PHKA2: variants seen among roughly 807,000 people sequenced by gnomAD.
The protein encoded by PHKA2 is phosphorylase b kinase regulatory subunit alpha, liver isoform.
Under a neutral mutation model 102.0 loss-of-function variants are expected in PHKA2, and 31 were observed. That is an observed-to-expected ratio of 0.30 (90% CI 0.23 to 0.41). The LOEUF is 0.41. Ranked by LOEUF, PHKA2 falls within the 10% of genes least tolerant of loss-of-function variation. The pLI, the probability that PHKA2 is intolerant of heterozygous loss-of-function variation, is 1.00. For synonymous variants in PHKA2, 455 were observed against 416.2 expected, an observed-to-expected ratio of 1.09 and a Z score of -1.13; for missense variants, 858 against 1,023.1, an observed-to-expected ratio of 0.84 and a Z score of 2.20.
chrX:18,966,339 G>T (rs764564376), intron 1 of PHKA2, among the ~76,000 whole-genome samples: 2 of 109,496 alleles, frequency 1.8e-5, no homozygotes, highest in Non-Finnish European at 3.8e-5. Flanking sequence ...TGATCCCCCC[G>T]CCTTGGCCTC....
chrX:18,933,078 C>T (rs2091036000), intron 11 of PHKA2, among the ~76,000 whole-genome samples: 5 of 108,944 alleles, frequency 4.6e-5, no homozygotes, highest in Admixed American at 3.9e-4. Context: ...TGTGCCAATG[C>T]ACTCCAGCCT....
chrX:18,924,863 G>A (rs1485484870), intron 15 of PHKA2, among the ~76,000 whole-genome samples: 2 of 112,186 alleles, frequency 1.8e-5, no homozygotes, highest in African/African-American at 6.5e-5. Context: ...CTATGGGTTC[G>A]AAGATGCTTT....
chrX:18,913,715 C>T lies in PHKA2; in HGVS notation c.2138-2755G>A, dbSNP rs182707431. On this transcript the variant is annotated intron_variant, in intron 19 of 32. Coordinates refer to ENST00000379942, the MANE Select transcript of PHKA2 (RefSeq NM_000292.3). ...CCGGCCCACAAAAATATTTTCTTTA[C>T]GTCCTTATTCTATAAGCTTTGATCT... Among the ~76,000 whole-genome samples the T allele has an allele frequency of 5.1e-3, 568 of 112,323 alleles. 3 individuals carry two copies. Among genetic ancestry groups the T allele is most frequent in the African/African-American group, 0.017 (531 of 30,922 alleles).
intron 1 of PHKA2, among the ~76,000 whole-genome samples, chrX:18,965,592 T>G (rs1412541017): frequency 1.8e-5 from 2 of 110,350 alleles, no homozygotes; most frequent in African/African-American, 3.3e-5. Context: ...GGGGTGTGTG[T>G]GGGGGGTGCA....
chrX:18,901,661 C>A, intron 26 of PHKA2, 58 bp from the exon 27 acceptor site: 2 of 790,102 alleles, frequency 2.5e-6, no homozygotes, highest in Non-Finnish European at 3.9e-6. Flanking sequence ...CAACCCGAGG[C>A]AGGATCTGCC....
intron 1 of PHKA2, among the ~76,000 whole-genome samples, chrX:18,978,277 T>C (rs1406591694): frequency 8.9e-6 from 1 of 112,024 alleles, no homozygotes; most frequent in Non-Finnish European, 1.9e-5. Flanking sequence ...TTACTAATAC[T>C]GTATAGTTGG....
chrX:18,947,798 T>C (rs1409806722), intron 5 of PHKA2, among the ~76,000 whole-genome samples: 1 of 112,184 alleles, frequency 8.9e-6, no homozygotes, highest in African/African-American at 3.2e-5. Context: ...GTGGTATATA[T>C]ATGATGGAAT....
intron 1 of PHKA2, among the ~76,000 whole-genome samples, chrX:18,956,326 AAAC>A (rs912231577): frequency 5.4e-5 from 6 of 111,556 alleles, no homozygotes. Flanking sequence ...TTTGTCTCAA[AAAC>A]AACAACAACG....
At chrX:18,926,084 G>T (rs2048205515) in intron 14 of PHKA2, among the ~76,000 whole-genome samples, 1 of 112,504 alleles carries the variant, frequency 8.9e-6, no homozygotes, top group South Asian at 3.6e-4. Context: ...AACAAAGTCA[G>T]ATTGTAGAAA....
chrX:18,974,494 C>G (rs1037333154), intron 1 of PHKA2, among the ~76,000 whole-genome samples: 1 of 112,097 alleles, frequency 8.9e-6, no homozygotes, highest in African/African-American at 3.2e-5. Flanking sequence ...CCTTGAATCA[C>G]TTTCCGACTT....
chrX:18,906,708 C>A (rs1425996882), intron 24 of PHKA2, 28 bp downstream of exon 24: 1 of 1,194,623 alleles, frequency 8.4e-7, no homozygotes, highest in African/African-American at 1.7e-5. Context: ...AAGGCTGTGG[C>A]CCGACCCCTC....
intron 19 of PHKA2, among the ~76,000 whole-genome samples, chrX:18,913,097 A>T (rs2047956731): frequency 9.1e-6 from 1 of 109,669 alleles, no homozygotes; most frequent in Admixed American, 9.7e-5. Flanking sequence ...AAAAAAGAGA[A>T]ATATGGTATA....
chrX:18,893,440 G>C lies in PHKA2; in HGVS notation c.*45C>G. 8.6e-7 allele frequency: 1 copy of C among 1,165,313 alleles called. No individual in the cohort carries two copies. The highest frequency in any genetic ancestry group is 1.2e-6 in the Non-Finnish European group (1 of 853,508). On this transcript the variant is annotated 3_prime_UTR_variant, in exon 33 of 33. Transcript: ENST00000379942. ...CAGAAGGTTCCCAGTAAGGCTAGGG[G>C]GCACGTGACAGATTGAGAGTGTGAT...
At chrX:18,930,639 T>G in intron 12 of PHKA2, among the ~76,000 whole-genome samples, 1 of 111,213 alleles carries the variant, frequency 9.0e-6, no homozygotes, top group East Asian at 2.8e-4. Context: ...ATCAGAGAAC[T>G]AGTGAGAGAC....
At chrX:18,974,906 C>T (rs1446378791) in intron 1 of PHKA2, among the ~76,000 whole-genome samples, 3 of 111,305 alleles carry the variant, frequency 2.7e-5, no homozygotes, top group Non-Finnish European at 5.7e-5. Context: ...TCTCATCCCC[C>T]TTGGCAGTAC....
intron 6 of PHKA2, 121 bp from the exon 7 acceptor site, chrX:18,943,929 T>C (rs769685350): frequency 1.8e-6 from 1 of 553,880 alleles, no homozygotes; most frequent in South Asian, 2.4e-5. Flanking sequence ...AAACACATTT[T>C]AAAAATCCAG....
chrX:18,944,197 T>C (rs928368357), intron 6 of PHKA2, among the ~76,000 whole-genome samples: 1 of 111,618 alleles, frequency 9.0e-6, no homozygotes, highest in Non-Finnish European at 1.9e-5. Context: ...AGAAAAACAT[T>C]TTCCCAAGTG....
At chrX:18,944,111 G>A (rs1275354203) in intron 6 of PHKA2, among the ~76,000 whole-genome samples, 4 of 110,694 alleles carry the variant, frequency 3.6e-5, no homozygotes, top group African/African-American at 1.3e-4. Flanking sequence ...CACTGTGCCC[G>A]ACCCTATTCT....
chrX:18,898,826 C>T (rs1313959047), intron 29 of PHKA2, among the ~76,000 whole-genome samples: 1 of 111,960 alleles, frequency 8.9e-6, no homozygotes, highest in Non-Finnish European at 1.9e-5. Flanking sequence ...CTAGTTGGCA[C>T]ATGTGGGCAA....
Sources: allele counts gnomAD v4.1 joint callset (sites outside exome capture counted in the v4.1 genomes callset), GRCh38; gene constraint gnomAD v4.1.1; transcripts MANE v1.5; gene names NCBI Gene and HGNC (gene_info 2026-07-23, HGNC 2026-07-21).